SULT2A1: variants seen among roughly 807,000 people sequenced by gnomAD.
The protein encoded by SULT2A1 is sulfotransferase 2A1.
Under a neutral mutation model 33.9 loss-of-function variants are expected in SULT2A1, and 43 were observed. The observed-to-expected ratio is 1.27, with a 90% CI of 1.00 to 1.64. SULT2A1 has a LOEUF of 1.64. Among genes scored for constraint, SULT2A1 ranks in the 40% most tolerant of loss-of-function variants. The pLI, the probability that SULT2A1 is intolerant of heterozygous loss-of-function variation, is 0.00. For synonymous variants in SULT2A1, 125 were observed against 113.6 expected (o/e 1.10, Z -0.64); for missense variants, 300 against 335.1 (o/e 0.90, Z 0.82).
chr19:47,885,608 C>T (rs1265320837), intron 1 of SULT2A1, among the ~76,000 whole-genome samples: 3 of 152,142 alleles, frequency 2.0e-5, no homozygotes, highest in African/African-American at 7.2e-5. Flanking sequence ...CAGCCTCAAT[C>T]CTCACCGCAT....
intron 3 of SULT2A1, among the ~76,000 whole-genome samples, chr19:47,880,479 T>A (rs1289115807): frequency 6.6e-6 from 1 of 151,932 alleles, no homozygotes; most frequent in Admixed American, 6.6e-5. Context: ...AACATATTCA[T>A]TTCCTCATAT....
intron 2 of SULT2A1, 37 bp from the exon 3 acceptor site, chr19:47,882,247 A>T (rs1469566596): frequency 6.3e-7 from 1 of 1,596,396 alleles, no homozygotes. Context: ...AAATCAATAC[A>T]GTCAATCCTC....
intron 5 of SULT2A1, 54 bp downstream of exon 5, chr19:47,874,603 G>A (rs1968524665): frequency 1.4e-6 from 2 of 1,412,560 alleles, no homozygotes; most frequent in South Asian, 2.5e-5. Flanking sequence ...TGTGACCATA[G>A]GCATGCATGC....
At chr19:47,874,602 A>T in intron 5 of SULT2A1, 55 bp downstream of exon 5, 1 of 1,386,710 alleles carries the variant, frequency 7.2e-7, no homozygotes, top group Non-Finnish European at 1.0e-6. Flanking sequence ...TTGTGACCAT[A>T]GGCATGCATG....
chr19:47,876,576 C>T (rs1314035233), intron 4 of SULT2A1, among the ~76,000 whole-genome samples: 1 of 152,022 alleles, frequency 6.6e-6, no homozygotes, highest in East Asian at 1.9e-4. Context: ...TTCATTCCAG[C>T]TTGGTCAACG....
At chr19:47,877,221 A>T (rs1426521504) in intron 4 of SULT2A1, among the ~76,000 whole-genome samples, 1 of 88,846 alleles carries the variant, frequency 1.1e-5, no homozygotes, top group Non-Finnish European at 2.7e-5. Flanking sequence ...TTTATGTGAG[A>T]TATCACTAAT....
intron 5 of SULT2A1, among the ~76,000 whole-genome samples, chr19:47,873,366 T>G (rs1467876137): frequency 1.3e-5 from 2 of 151,798 alleles, no homozygotes. Flanking sequence ...AGATGGGCTT[T>G]CTCCGTGTTA....
chr19:47,885,187 A>G (rs1968644329), intron 1 of SULT2A1, among the ~76,000 whole-genome samples: 1 of 152,154 alleles, frequency 6.6e-6, no homozygotes, highest in Non-Finnish European at 1.5e-5. Context: ...ACCAATCTCC[A>G]GAGGATTTTT....
intron 4 of SULT2A1, among the ~76,000 whole-genome samples, chr19:47,877,460 G>T (rs1156746128): frequency 6.6e-6 from 1 of 151,724 alleles, no homozygotes; most frequent in African/African-American, 2.4e-5. Context: ...GGCTGGTATC[G>T]AACTCCTGAC....
At chr19:47,878,946 G>A (rs889990045) in intron 4 of SULT2A1, 90 bp downstream of exon 4, 2 of 840,628 alleles carry the variant, frequency 2.4e-6, no homozygotes, top group Non-Finnish European at 2.1e-6. Flanking sequence ...TGAGAGGGTG[G>A]AATGAAGACA....
chr19:47,876,699 G>C (rs192326669), intron 4 of SULT2A1, among the ~76,000 whole-genome samples: 81 of 151,056 alleles, frequency 5.4e-4, no homozygotes, highest in African/African-American at 1.9e-3. Flanking sequence ...GAACCGGAGA[G>C]GTGGAGATTG....
chr19:47,871,918 T>A (rs1968496282), intron 5 of SULT2A1, among the ~76,000 whole-genome samples: 1 of 152,080 alleles, frequency 6.6e-6, no homozygotes, highest in Admixed American at 6.6e-5. Context: ...TCTGCTTTTT[T>A]TTCTTTTTTT....
intron 4 of SULT2A1, 21 bp downstream of exon 4, chr19:47,879,015 C>G (rs1375756863): frequency 6.6e-7 from 1 of 1,504,234 alleles, no homozygotes; most frequent in Non-Finnish European, 9.3e-7. Flanking sequence ...TGTGCACTGA[C>G]TCTAAAAATG....
chr19:47,877,891 G>C (rs187197719), intron 4 of SULT2A1, among the ~76,000 whole-genome samples: 2 of 152,098 alleles, frequency 1.3e-5, no homozygotes, highest in Non-Finnish European at 2.9e-5. Flanking sequence ...GAGTATCATC[G>C]GACAGCTTTT....
intron 2 of SULT2A1, among the ~76,000 whole-genome samples, chr19:47,882,771 C>T (rs1447680594): frequency 2.0e-5 from 3 of 151,982 alleles, no homozygotes; most frequent in African/African-American, 7.2e-5. Flanking sequence ...AAAAATTAGC[C>T]AGGCATGGTG....
intron 3 of SULT2A1, among the ~76,000 whole-genome samples, 187 bp from the exon 4 acceptor site, chr19:47,879,317 C>G (rs972967363): frequency 6.6e-6 from 1 of 152,138 alleles, no homozygotes; most frequent in Non-Finnish European, 1.5e-5. Context: ...TTGATGTACG[C>G]ATACACTATG....
Position 47,882,153 on chromosome 19 carries a change from T to C in SULT2A1, c.403A>G (p.Lys135Glu), listed in dbSNP as rs555280855. 1 of 1,614,020 alleles carries C rather than the reference T, an allele frequency of 6.2e-7. No homozygotes were observed. The highest frequency in any genetic ancestry group is 1.3e-5 in the African/African-American group (1 of 75,040). Reference sequence around the variant, plus strand: ...GGTTTCTTAATAAACTTCATGTTTTTCCAGAAAAAATAACCAGACACCAAA... The same window carrying C: ...GGTTTCTTAATAAACTTCATGTTTTCCCAGAAAAAATAACCAGACACCAAA... ...DVLVSGYFFW[K>E]NMKFIKKPKS... The change falls in exon 3 of 6, where the codon AAA (lysine) becomes GAA (glutamate). Residue 135 changes from lysine to glutamate, a missense_variant. By Grantham distance (56) the Lys-to-Glu change is moderately conservative. Transcript: ENST00000222002.
chr19:47,873,165 G>T (rs2122140592), intron 5 of SULT2A1, among the ~76,000 whole-genome samples: 1 of 152,042 alleles, frequency 6.6e-6, no homozygotes, highest in East Asian at 1.9e-4. Context: ...GTAGGATTTT[G>T]GAAAAATGGA....
chr19:47,871,602 C>T (rs1363931093), intron 5 of SULT2A1, 35 bp from the exon 6 acceptor site: 2 of 1,412,356 alleles, frequency 1.4e-6, no homozygotes, highest in South Asian at 1.2e-5. Context: ...GGTCAGACCA[C>T]ACATCTCCTT....
Sources: gnomAD v4.1 joint callset for allele counts (sites outside exome capture counted in the v4.1 genomes callset) on GRCh38, gnomAD v4.1.1 for gene constraint, MANE v1.5 for transcripts, NCBI Gene and HGNC (gene_info 2026-07-23, HGNC 2026-07-21) for gene names.